DCC: variants seen among roughly 807,000 people sequenced by gnomAD.
DCC encodes netrin receptor DCC.
DCC carries 58 observed loss-of-function variants against 172.5 expected under a neutral mutation model. The observed-to-expected ratio is 0.34, with a 90% CI of 0.27 to 0.42. DCC has a LOEUF of 0.42. Among genes scored for constraint, DCC ranks in the 10% least tolerant of loss-of-function variants. DCC has a pLI of 1.00. For missense variants in DCC, 1,740 were observed against 1,791.0 expected (o/e 0.97, Z 0.51); for synonymous variants, 709 against 644.5 (o/e 1.10, Z -1.52).
intron 24 of DCC, among the ~76,000 whole-genome samples, chr18:53,460,803 G>A (rs2045548913): frequency 6.6e-6 from 1 of 152,080 alleles, no homozygotes. Context: ...CCCAGTAATG[G>A]GATGCCTGGG....
intron 1 of DCC, among the ~76,000 whole-genome samples, chr18:52,704,921 G>A (rs1454871393): frequency 1.3e-5 from 2 of 152,080 alleles, no homozygotes; most frequent in South Asian, 2.1e-4. Context: ...GGCCATTTAC[G>A]TTCTGGCCCT....
intron 7 of DCC, among the ~76,000 whole-genome samples, chr18:53,086,057 T>C (rs796112729): frequency 0.026 from 7 of 270 alleles, no homozygotes; most frequent in South Asian, 0.33. Flanking sequence ...TCCTTCTCCT[T>C]CTCCTTCTCC....
At chr18:52,483,265 G>C (rs1279818642) in intron 1 of DCC, among the ~76,000 whole-genome samples, 1 of 152,046 alleles carries the variant, frequency 6.6e-6, no homozygotes, top group Non-Finnish European at 1.5e-5. Context: ...TTCCAAATAA[G>C]ATCGCTTTCA....
intron 1 of DCC, among the ~76,000 whole-genome samples, chr18:52,401,898 T>G (rs768833915): frequency 3.9e-5 from 6 of 151,950 alleles, no homozygotes; most frequent in Non-Finnish European, 8.8e-5. Context: ...AAAATTGTGT[T>G]TTCAATTATT....
At chr18:53,370,039 A>T (rs1401182090) in intron 15 of DCC, among the ~76,000 whole-genome samples, 5 of 151,626 alleles carry the variant, frequency 3.3e-5, no homozygotes, top group Non-Finnish European at 7.4e-5. Flanking sequence ...ACTGGTACTA[A>T]TTTTTTTAAT....
At chr18:52,887,735 A>T (rs995164329) in intron 2 of DCC, among the ~76,000 whole-genome samples, 14 of 152,202 alleles carry the variant, frequency 9.2e-5, no homozygotes, top group African/African-American at 3.4e-4. Flanking sequence ...AAAATTTGGA[A>T]TATCCAGTTT....
rs138024330 is a variant in DCC at position 52,954,023 on chromosome 18, C to A, written c.985+28653C>A. On this transcript the variant is annotated intron_variant, in intron 5 of 28. Transcript: ENST00000442544. ...CAAAAATACTATTATAAACTCTGAG[C>A]AAAATTGTGGGACACAGGGATCTTT... 9.5e-3 allele frequency among the ~76,000 whole-genome samples: 1,454 copies of A among 152,282 alleles called. 29 individuals carry two copies. The highest frequency in any genetic ancestry group is 0.034 in the African/African-American group (1,403 of 41,552).
chr18:53,154,711 A>G (rs2054700560), intron 7 of DCC, among the ~76,000 whole-genome samples: 1 of 152,118 alleles, frequency 6.6e-6, no homozygotes, highest in African/African-American at 2.4e-5. Context: ...GCGGTGAGTG[A>G]AGGAGAGTCA....
chr18:52,490,230 G>A (rs1311005151), intron 1 of DCC, among the ~76,000 whole-genome samples: 1 of 152,088 alleles, frequency 6.6e-6, no homozygotes, highest in East Asian at 1.9e-4. Context: ...TAACAAGGTA[G>A]GAAAAGAATG....
chr18:52,378,825 G>A (rs1985463112), intron 1 of DCC, among the ~76,000 whole-genome samples: 1 of 152,146 alleles, frequency 6.6e-6, no homozygotes, highest in African/African-American at 2.4e-5. Flanking sequence ...TAGGATTACA[G>A]GTGTGAGCCA....
chr18:53,023,396 CAGACCAA>C (rs2041909990), intron 5 of DCC, among the ~76,000 whole-genome samples: 1 of 21,038 alleles, frequency 4.8e-5, no homozygotes, highest in Non-Finnish European at 8.5e-5. Flanking sequence ...ATATATAACT[CAGACCAA>C]AAAAAAAAAA....
At chr18:53,110,487 A>C (rs1463782082) in intron 7 of DCC, among the ~76,000 whole-genome samples, 3 of 151,800 alleles carry the variant, frequency 2.0e-5, no homozygotes, top group African/African-American at 7.2e-5. Flanking sequence ...GTCTAAGTTT[A>C]AGAGTAAGAT....
chr18:53,480,551 T>A (rs2045819612), intron 25 of DCC, among the ~76,000 whole-genome samples: 1 of 152,200 alleles, frequency 6.6e-6, no homozygotes, highest in African/African-American at 2.4e-5. Context: ...AGACAGGATG[T>A]TTTAAACAAT....
chr18:52,644,592 A>AAT (rs1273308786), intron 1 of DCC, among the ~76,000 whole-genome samples: 1 of 151,084 alleles, frequency 6.6e-6, no homozygotes, highest in Non-Finnish European at 1.5e-5. Flanking sequence ...AAAAAAAAAA[A>AAT]AAAATTAGTG....
intron 5 of DCC, among the ~76,000 whole-genome samples, chr18:52,995,674 G>A (rs2041466548): frequency 6.6e-6 from 1 of 151,748 alleles, no homozygotes; most frequent in African/African-American, 2.4e-5. Flanking sequence ...GCCTCCTTAA[G>A]TTCTCAGTTG....
At chr18:52,710,983 A>T (rs2036282998) in intron 1 of DCC, among the ~76,000 whole-genome samples, 1 of 152,136 alleles carries the variant, frequency 6.6e-6, no homozygotes, top group Non-Finnish European at 1.5e-5. Flanking sequence ...TCTCTAGGAG[A>T]TTTTATGTGA....
chr18:52,620,470 T>C (rs1405853669), intron 1 of DCC, among the ~76,000 whole-genome samples: 1 of 152,184 alleles, frequency 6.6e-6, no homozygotes, highest in East Asian at 1.9e-4. Context: ...AGTAATAGAC[T>C]CTGAACCGAA....
intron 3 of DCC, among the ~76,000 whole-genome samples, chr18:52,912,991 A>G (rs557434640): frequency 6.6e-6 from 1 of 152,208 alleles, no homozygotes; most frequent in South Asian, 2.1e-4. Context: ...AAATAGTTTT[A>G]AGTCAGTTTA....
chr18:52,443,532 C>G (rs1988032922), intron 1 of DCC, among the ~76,000 whole-genome samples: 1 of 152,122 alleles, frequency 6.6e-6, no homozygotes, highest in Non-Finnish European at 1.5e-5. Flanking sequence ...ATGAAGAATG[C>G]ATAGGAGTTT....
Sources: allele counts gnomAD v4.1 joint callset (sites outside exome capture counted in the v4.1 genomes callset), GRCh38; gene constraint gnomAD v4.1.1; transcripts MANE v1.5; gene names NCBI Gene and HGNC (gene_info 2026-07-23, HGNC 2026-07-21).